Variants in PCSK5 observed in about 807,000 individuals in gnomAD.
PCSK5 encodes the protein proprotein convertase subtilisin/kexin type 5.
A neutral mutation model predicts 233.2 loss-of-function variants in PCSK5; 129 were observed. The observed-to-expected ratio is 0.55, with a 90% CI of 0.48 to 0.64. The LOEUF (loss-of-function observed/expected upper bound fraction) is 0.64. PCSK5 is among the 30% of genes least tolerant of loss of function. The pLI is 0.00. For missense variants in PCSK5, 2,076 were observed against 2,430.1 expected, an observed-to-expected ratio of 0.85 and a Z score of 3.06; for synonymous variants, 825 against 879.2, an observed-to-expected ratio of 0.94 and a Z score of 1.09.
intron 2 of PCSK5, among the ~76,000 whole-genome samples, chr9:75,949,914 C>T (rs1464005592): frequency 2.0e-5 from 3 of 152,154 alleles, no homozygotes; most frequent in Non-Finnish European, 4.4e-5. Context: ...ATAATAATCA[C>T]ATCATGGAGA....
At chr9:76,272,187 G>A (rs970255636) in intron 24 of PCSK5, among the ~76,000 whole-genome samples, 5 of 152,056 alleles carry the variant, frequency 3.3e-5, no homozygotes, top group African/African-American at 1.2e-4. Flanking sequence ...ATATCATTTT[G>A]GAAGACATAA....
At chr9:76,298,893 G>C (rs1828524213) in intron 27 of PCSK5, among the ~76,000 whole-genome samples, 1 of 152,134 alleles carries the variant, frequency 6.6e-6, no homozygotes, top group East Asian at 1.9e-4. Context: ...TTCAGATTCA[G>C]GTAGGAAAGG....
rs368371926 is a variant in PCSK5 at position 76,068,060 on chromosome 9, C to A, written c.721+17C>A. 5 of 1,576,486 alleles carry A rather than the reference C, an allele frequency of 3.2e-6. No individual in the cohort carries two copies. The highest frequency in any genetic ancestry group is 4.4e-6 in the Non-Finnish European group (5 of 1,145,698). On this transcript the variant is annotated intron_variant, in intron 6 of 37. Coordinates refer to ENST00000674117, the MANE Select transcript of PCSK5 (RefSeq NM_001372043.1). ...AGATCGGAGGTATGGGAAACCAACT[C>A]ACGTGGATGTAGAAATGCGCCAGTT...
At chr9:76,138,702 T>C (rs536849580) in intron 10 of PCSK5, among the ~76,000 whole-genome samples, 1 of 152,138 alleles carries the variant, frequency 6.6e-6, no homozygotes, top group South Asian at 2.1e-4. Flanking sequence ...TATTGGATTA[T>C]ATGACTGTAT....
chr9:76,034,374 T>C (rs1425117425), intron 5 of PCSK5, among the ~76,000 whole-genome samples: 2 of 152,226 alleles, frequency 1.3e-5, no homozygotes, highest in East Asian at 3.9e-4. Context: ...TCCTGCTCCC[T>C]GAGTGATATT....
rs151070059 is a variant in PCSK5, at chr9:75,925,940, G to A, written c.193-6439G>A. On this transcript the variant is annotated intron_variant, in intron 1 of 37. Transcript: ENST00000674117. ...GTAACTTTCTGTCTAAATCAGAAAT[G>A]AGTTTAACAAGTGGAAGTTTCGGAC... 3.9e-5 allele frequency among the ~76,000 whole-genome samples: 6 copies of A among 152,298 alleles called. No individual in the cohort carries two copies. In the East Asian group the frequency reaches 1.2e-3, roughly 29 times the overall value.
chr9:75,897,489 CT>C lies in PCSK5; in HGVS notation c.192+6135del, dbSNP rs58504698. On this transcript the variant is annotated intron_variant, in intron 1 of 37. Transcript: ENST00000674117. ...GAGGTTGCAAGATTTTCTTTCTTTT[CT>C]TTTTTTTTTTTTTTTTTTCCCGAAA... Among the ~76,000 whole-genome samples the C allele has an allele frequency of 6.5e-4, 78 of 119,604 alleles. No individual in the cohort carries two copies. The East Asian group carries it at 6.6e-3, about 10-fold the overall frequency. The allele number at this position is 119,604 out of a possible 152,430, so 78.5% of individuals were successfully genotyped here.
At chr9:76,199,146 G>A (rs1477277471) in intron 20 of PCSK5, among the ~76,000 whole-genome samples, 1 of 152,138 alleles carries the variant, frequency 6.6e-6, no homozygotes, top group Admixed American at 6.6e-5. Context: ...AGGTGATTTT[G>A]TCATCATGCA....
intron 10 of PCSK5, among the ~76,000 whole-genome samples, chr9:76,137,523 A>T (rs562373105): frequency 6.6e-6 from 1 of 152,116 alleles, no homozygotes; most frequent in African/African-American, 2.4e-5. Context: ...TTAGTTTTTC[A>T]CAATAAACAT....
In PCSK5 at chr9:76,189,714, G is replaced by A; in HGVS notation, c.2594G>A (p.Gly865Glu). Reference protein sequence around the residue: ...SCPSGYLLDLGMCQMGAICKD... With the variant: ...SCPSGYLLDLEMCQMGAICKD... ...CCTAGTGGGTATCTCTTAGACTTAGGAATGTGTCAAATGGGAGCCATTTGC... is the reference window on the plus strand; with the variant it reads ...CCTAGTGGGTATCTCTTAGACTTAGAAATGTGTCAAATGGGAGCCATTTGC... Residue 865 changes from glycine to glutamate, a missense_variant, in exon 20 of 38, where the codon GGA becomes GAA. Gly to Glu is a moderately conservative substitution (Grantham distance 98, BLOSUM62 -2). Around this residue, in one of 6 missense-constraint regions of PCSK5, gnomAD observed 1,510 missense variants for 1,538.1 expected, o/e 0.98. Transcript: ENST00000674117. 6.2e-7 allele frequency: 1 copy of A among 1,610,598 alleles called. No individual in the cohort carries two copies.
At chr9:76,093,129 G>A (rs1255481699) in intron 7 of PCSK5, among the ~76,000 whole-genome samples, 1 of 116,818 alleles carries the variant, frequency 8.6e-6, no homozygotes, top group Admixed American at 1.3e-4. Flanking sequence ...CTTGCTTGCT[G>A]TGTCACTCAG....
chr9:76,075,912 G>A (rs2131610687), intron 7 of PCSK5, among the ~76,000 whole-genome samples: 1 of 152,284 alleles, frequency 6.6e-6, no homozygotes, highest in East Asian at 1.9e-4. Flanking sequence ...CATCTTCTAT[G>A]TAATACATAA....
Position 76,184,821 on chromosome 9 carries a change from G to A in PCSK5, c.2282+64G>A. 7 of 984,428 alleles carry A rather than the reference G, an allele frequency of 7.1e-6. No individual in the cohort carries two copies. In the Admixed American group the frequency reaches 9.2e-5, roughly 13 times the overall value. The allele number at this position is 984,428 out of a possible 1,614,324, so 61.0% of individuals were successfully genotyped here. A position where few individuals can be genotyped will look rare whatever the true frequency, so the allele number is the denominator to read the frequency against. ...AAGAGCTTCTCAATGTAAATAAAAT[G>A]AAAAAATGATAAACAAGTAAATAAA... On this transcript the variant is annotated intron_variant, in intron 17 of 37. Coordinates refer to ENST00000674117, the MANE Select transcript of PCSK5 (RefSeq NM_001372043.1).
In PCSK5 at chr9:75,891,092, C is replaced by A; in HGVS notation, c.-90C>A. The A allele has an allele frequency of 8.1e-7, 1 of 1,240,678 alleles. No individual in the cohort carries two copies. Among genetic ancestry groups the A allele is most frequent in the Non-Finnish European group, 1.0e-6 (1 of 962,240 alleles). The allele number at this position is 1,240,678 out of a possible 1,614,324, so 76.9% of individuals were successfully genotyped here. ...AGCTGCGGCGGCCCGGGGCTGCTCG[C>A]CGGGCGGCGCAGGCCGGAGAAGTTA... On this transcript the variant is annotated 5_prime_UTR_variant, in exon 1 of 38. Transcript: ENST00000674117.
chr9:75,891,089 T>TG lies in PCSK5; in HGVS notation c.-93_-92insG. 9.6e-7 allele frequency: 1 copy of TG among 1,038,768 alleles called. No homozygotes were observed. Among genetic ancestry groups the TG allele is most frequent in the Non-Finnish European group, 1.3e-6 (1 of 787,766 alleles). The allele number at this position is 1,038,768 out of a possible 1,614,324, so 64.3% of individuals were successfully genotyped here. A position where few individuals can be genotyped will look rare whatever the true frequency, so the allele number is the denominator to read the frequency against. On this transcript the variant is annotated 5_prime_UTR_variant, in exon 1 of 38. Coordinates refer to ENST00000674117, the MANE Select transcript of PCSK5 (RefSeq NM_001372043.1). ...GCGAGCTGCGGCGGCCCGGGGCTGC[T>TG]CGCCGGGCGGCGCAGGCCGGAGAAG... is the stretch of plus-strand genomic sequence containing the variant.
chr9:75,994,623 C>T (rs1490748743), intron 3 of PCSK5, among the ~76,000 whole-genome samples: 2 of 151,764 alleles, frequency 1.3e-5, no homozygotes, highest in South Asian at 2.1e-4. Flanking sequence ...GGGGTGTCAC[C>T]GTGTTAACCA....
intron 20 of PCSK5, among the ~76,000 whole-genome samples, chr9:76,226,709 T>G (rs1474345274): frequency 2.0e-5 from 3 of 152,166 alleles, no homozygotes; most frequent in Non-Finnish European, 2.9e-5. Flanking sequence ...GTCAATTTTT[T>G]TTAAGACAAT....
At chr9:76,213,314 G>A (rs1309886621) in intron 20 of PCSK5, among the ~76,000 whole-genome samples, 1 of 152,208 alleles carries the variant, frequency 6.6e-6, no homozygotes, top group African/African-American at 2.4e-5. Flanking sequence ...GGAAGAGGAG[G>A]TAGTGAGTTC....
intron 2 of PCSK5, among the ~76,000 whole-genome samples, chr9:75,977,320 A>G (rs1826066648): frequency 6.6e-6 from 1 of 151,494 alleles, no homozygotes; most frequent in Non-Finnish European, 1.5e-5. Flanking sequence ...TGCACAGATC[A>G]TCCCTTCACC....
Sources: gnomAD v4.1 joint callset for allele counts (sites outside exome capture counted in the v4.1 genomes callset) on GRCh38, gnomAD v4.1.1 for gene constraint, gnomAD v4.1.1 regional missense constraint, MANE v1.5 for transcripts, NCBI Gene and HGNC (gene_info 2026-07-23, HGNC 2026-07-21) for gene names.